The following FAM131A variants were observed in gnomAD, a reference collection of about 807,000 sequenced individuals.
FAM131A encodes family with sequence similarity 131 member A, also known as protein FAM131A.
A neutral mutation model predicts 39.2 loss-of-function variants in FAM131A; 24 were observed. The observed-to-expected ratio is 0.61, with a 90% CI of 0.44 to 0.86. FAM131A has a LOEUF of 0.86. Ranked by LOEUF, FAM131A falls within the 40% of genes least tolerant of loss-of-function variation. FAM131A has a pLI of 0.00. For synonymous variants in FAM131A, 202 were observed against 206.8 expected, an observed-to-expected ratio of 0.98 and a Z score of 0.20; for missense variants, 373 against 481.2, an observed-to-expected ratio of 0.78 and a Z score of 2.10.
rs1394310463 is a variant in FAM131A, at chr3:184,342,714, C to T, written c.509-30C>T. The T allele has an allele frequency of 6.3e-7, 1 of 1,590,566 alleles. No homozygotes were observed. Among genetic ancestry groups the T allele is most frequent in the African/African-American group, 1.3e-5 (1 of 74,486 alleles). On this transcript the variant is annotated intron_variant, in intron 4 of 5. Coordinates refer to ENST00000383847, the MANE Select transcript of FAM131A (RefSeq NM_144635.5). The surrounding 1 kb of genome is among the most constrained non-coding windows in gnomAD (Gnocchi z 4.6). ...CTGAGCCCTAGACTTAGCTCACCTT[C>T]TCTGCTTATGCATTCTGTCCCTGCG...
chr3:184,338,553 G>A (rs1727221949), intron 2 of FAM131A, 24 bp downstream of exon 2: 2 of 1,534,938 alleles, frequency 1.3e-6, no homozygotes, highest in African/African-American at 2.7e-5. Context: ...GGTGGTGGGG[G>A]GAAGGAGGAC....
Position 184,344,839 on chromosome 3 carries a change from C to T in FAM131A, c.970C>T (p.Pro324Ser). ...CLSPAEEEPAPCKDCQPLCPP... is the reference protein window; with the variant it reads ...CLSPAEEEPASCKDCQPLCPP... ...TTCCCCCGCGGAGGAGGAGCCAGCC[C>T]CCTGCAAGGACTGCCAGCCACTCTG... is the stretch of plus-strand genomic sequence containing the variant. The change falls in exon 6 of 6, where the codon CCC becomes TCC. Residue 324 changes from proline (P) to serine (S), a missense_variant. Physicochemically the swap from Pro to Ser is moderately conservative, Grantham distance 74 (BLOSUM62 -1). Transcript: ENST00000383847. 1 of 1,611,526 alleles carries T rather than the reference C, an allele frequency of 6.2e-7. No individual in the cohort carries two copies.
chr3:184,339,409 C>CT (rs1316422470), intron 2 of FAM131A: 1 of 152,248 alleles, frequency 6.6e-6, no homozygotes, highest in African/African-American at 2.4e-5. Context: ...AGGCGGGCTG[C>CT]TTGCTGACAG....
chr3:184,338,709 G>A, intron 2 of FAM131A, 180 bp downstream of exon 2: 1 of 727,598 alleles, frequency 1.4e-6, no homozygotes, highest in Non-Finnish European at 2.1e-6. Context: ...CGCTGTGCCA[G>A]CAGGCGGAGA....
chr3:184,338,430 T>G lies in FAM131A; in HGVS notation c.132T>G (p.Pro44=), dbSNP rs938467567. 1.3e-6 allele frequency: 2 copies of G among 1,500,802 alleles called. No homozygotes were observed. The highest frequency in any genetic ancestry group is 8.8e-7 in the Non-Finnish European group (1 of 1,130,314). The allele number at this position is 1,500,802 out of a possible 1,614,324, so 93.0% of individuals were successfully genotyped here. The part of the protein sequence containing the change: ...PAWAVEWIEL[P]RGLSLSSLGS... ...GGGCTGTGGAGTGGATCGAACTTCCTCGGGGTCTCTCTCTATCCTCTTTGG... is the reference window on the plus strand; with the variant it reads ...GGGCTGTGGAGTGGATCGAACTTCCGCGGGGTCTCTCTCTATCCTCTTTGG... The change falls in exon 2 of 6, where the codon CCT becomes CCG. Residue 44 remains proline (P), a synonymous_variant. Transcript: ENST00000383847.
At chr3:184,341,496 TG>T (rs976533888) in intron 2 of FAM131A, 48 of 583,686 alleles carry the variant, frequency 8.2e-5, no homozygotes, top group Non-Finnish European at 1.3e-4. Flanking sequence ...GAGGATTAGC[TG>T]AAGTTTTGCT....
At chr3:184,338,617 T>C in intron 2 of FAM131A, 88 bp downstream of exon 2, 3 of 1,481,234 alleles carry the variant, frequency 2.0e-6, no homozygotes, top group Non-Finnish European at 2.7e-6. Context: ...CCAGCCAGCT[T>C]CTGGCTCCCT....
upstream of FAM131A, among the ~76,000 whole-genome samples, chr3:184,336,438 C>T (rs973032281): frequency 6.6e-6 from 1 of 152,150 alleles, no homozygotes; most frequent in Non-Finnish European, 1.5e-5. This position sits in a 1 kb window ranked among gnomAD's most constrained non-coding sequence, Gnocchi z 5.5. Context: ...CAGCCCGATG[C>T]CCCCACCACT....
rs200454232 is a variant in FAM131A, at chr3:184,345,511, C to G, written c.*541C>G. On this transcript the variant is annotated 3_prime_UTR_variant, in exon 6 of 6. Transcript: ENST00000383847. ...TCAAGGGCCCCTGCCCAGCTGGGCT[C>G]GTGCTGTGCTTCATTCACCTCTCCA... is the stretch of plus-strand genomic sequence containing the variant. 1 of 703,072 alleles carries G rather than the reference C, an allele frequency of 1.4e-6. No homozygotes were observed. The highest frequency in any genetic ancestry group is 2.6e-6 in the Non-Finnish European group (1 of 385,002). 43.6% of individuals were successfully genotyped at this position (703,072 alleles called of 1,614,324 possible).
At chr3:184,338,672 G>A (rs1227099026) in intron 2 of FAM131A, 143 bp downstream of exon 2, 8 of 1,089,450 alleles carry the variant, frequency 7.3e-6, no homozygotes, top group South Asian at 3.2e-5. Context: ...CCGGGAGGCC[G>A]CCCCCGTGCC....
At chr3:184,338,337 T>G in intron 1 of FAM131A, 50 bp from the exon 2 acceptor site, 1 of 1,394,340 alleles carries the variant, frequency 7.2e-7, no homozygotes, top group Non-Finnish European at 9.3e-7. Context: ...AAAATGGGGA[T>G]CTCTGCAGAA....
upstream of FAM131A, chr3:184,337,495 TCTC>T: frequency 2.7e-6 from 2 of 742,690 alleles, no homozygotes; most frequent in East Asian, 2.7e-5. Flanking sequence ...GCAGGAATGT[TCTC>T]CTTATGTGAC....
rs750729922 is a variant in FAM131A, at chr3:184,344,678, G to A, written c.809G>A (p.Arg270Gln). The A allele has an allele frequency of 6.3e-5, 102 of 1,612,376 alleles. No homozygotes were observed. Among genetic ancestry groups the A allele is most frequent in the Middle Eastern group, 1.6e-4 (1 of 6,076 alleles). ...GATGGGTTGTTGGGCTCCCCGGCCC[G>A]GCTGGCCTCCCAGCTGCTGGGCGAT... The part of the protein sequence containing the change: ...LEDGLLGSPA[R>Q]LASQLLGDEL... Residue 270 changes from arginine to glutamine, a missense_variant, in exon 6 of 6, where the codon CGG becomes CAG. Transcript: ENST00000383847.
Position 184,342,927 on chromosome 3 carries a change from C to G in FAM131A, c.625+67C>G. ...ATAGACCTTGGCATTCTTTCAGAGC[C>G]ACATCCAGAACACTCTCAGCCTTTG... On this transcript the variant is annotated intron_variant, in intron 5 of 5. Coordinates refer to ENST00000383847, the MANE Select transcript of FAM131A (RefSeq NM_144635.5). This position sits in a 1 kb window ranked among gnomAD's most constrained non-coding sequence, Gnocchi z 4.6. 1 of 1,371,454 alleles carries G rather than the reference C, an allele frequency of 7.3e-7. No homozygotes were observed. Among genetic ancestry groups the G allele is most frequent in the Non-Finnish European group, 1.0e-6 (1 of 963,934 alleles). 85.0% of individuals were successfully genotyped at this position (1,371,454 alleles called of 1,614,324 possible). A position where few individuals can be genotyped will look rare whatever the true frequency, so the allele number is the denominator to read the frequency against.
chr3:184,344,981 G>A lies in FAM131A; in HGVS notation c.*11G>A. The A allele has an allele frequency of 6.6e-7, 1 of 1,519,020 alleles. No individual in the cohort carries two copies. Among genetic ancestry groups the A allele is most frequent in the Non-Finnish European group, 8.8e-7 (1 of 1,135,262 alleles). The allele number at this position is 1,519,020 out of a possible 1,614,324, so 94.1% of individuals were successfully genotyped here. ...CCAGAGGAACAGTGACCCACATCAT[G>A]CCTGGCAGTGGCATGCATCCCCCGG... is the stretch of plus-strand genomic sequence containing the variant. On this transcript the variant is annotated 3_prime_UTR_variant, in exon 6 of 6. Transcript: ENST00000383847.
chr3:184,342,390 C>T lies in FAM131A; in HGVS notation c.508+142C>T. ...TGATGCAATCTCAGCTCACTGCAAC[C>T]TCTGCCACCCCAGTTCAAGCGATTC... On this transcript the variant is annotated intron_variant, in intron 4 of 5. Transcript: ENST00000383847. The surrounding 1 kb of genome is among the most constrained non-coding windows in gnomAD (Gnocchi z 4.6). 1 of 1,020,408 alleles carries T rather than the reference C, an allele frequency of 9.8e-7. No individual in the cohort carries two copies. The highest frequency in any genetic ancestry group is 1.4e-6 in the Non-Finnish European group (1 of 727,714). 63.2% of individuals were successfully genotyped at this position (1,020,408 alleles called of 1,614,324 possible).
Position 184,342,888 on chromosome 3 carries a change from G to C in FAM131A, c.625+28G>C. 1.3e-6 allele frequency: 2 copies of C among 1,576,398 alleles called. No individual in the cohort carries two copies. Among genetic ancestry groups the C allele is most frequent in the East Asian group, 2.3e-5 (1 of 44,344 alleles). On this transcript the variant is annotated intron_variant, in intron 5 of 5. Coordinates refer to ENST00000383847, the MANE Select transcript of FAM131A (RefSeq NM_144635.5). The surrounding 1 kb of genome is among the most constrained non-coding windows in gnomAD (Gnocchi z 4.6). Reference sequence around the variant, plus strand: ...GAGGGACATCCTGGGCTAGGGCTGTGGTGGACCCACCTGATAGACCTTGGC... The same window carrying C: ...GAGGGACATCCTGGGCTAGGGCTGTCGTGGACCCACCTGATAGACCTTGGC...
chr3:184,345,327 T>C lies in FAM131A; in HGVS notation c.*357T>C. ...GGGTTGTGACTGGGCTGTGTGAGGG[T>C]GGGGTGGGAGGGGGCCCAGCAACCC... On this transcript the variant is annotated 3_prime_UTR_variant, in exon 6 of 6. Transcript: ENST00000383847. The C allele has an allele frequency of 2.6e-6, 1 of 381,754 alleles. No individual in the cohort carries two copies. The highest frequency in any genetic ancestry group is 5.0e-5 in the East Asian group (1 of 20,094). 23.6% of individuals were successfully genotyped at this position (381,754 alleles called of 1,614,324 possible).
chr3:184,341,934 A>G lies in FAM131A; in HGVS notation c.325+117A>G, dbSNP rs757232086. 96 of 1,494,626 alleles carry G rather than the reference A, an allele frequency of 6.4e-5. No individual in the cohort carries two copies. In the East Asian group the frequency reaches 2.1e-3, roughly 33 times the overall value. 92.6% of individuals were successfully genotyped at this position (1,494,626 alleles called of 1,614,324 possible). ...GGGTCTCCCCTTTCTTCCCTTGCTC[A>G]GGTGAATCTCAGCCCCTTCTCCCAC... On this transcript the variant is annotated intron_variant, in intron 3 of 5. Coordinates refer to ENST00000383847, the MANE Select transcript of FAM131A (RefSeq NM_144635.5).
Sources: gnomAD v4.1 joint callset for allele counts (sites outside exome capture counted in the v4.1 genomes callset) on GRCh38, gnomAD v4.1.1 for gene constraint, Gnocchi (gnomAD v3.1) non-coding constraint, MANE v1.5 for transcripts, NCBI Gene and HGNC (gene_info 2026-07-23, HGNC 2026-07-21) for gene names.